The following ADAMTS2 variants were observed in gnomAD, a reference collection of about 807,000 sequenced individuals.
The protein encoded by ADAMTS2 is ADAM metallopeptidase with thrombospondin type 1 motif 2, also known as A disintegrin and metalloproteinase with thrombospondin motifs 2.
ADAMTS2 carries 50 observed loss-of-function variants against 123.0 expected under a neutral mutation model. The observed-to-expected ratio is 0.41, with a 90% CI of 0.32 to 0.51. The LOEUF is 0.51. Among genes scored for constraint, ADAMTS2 ranks in the 20% least tolerant of loss-of-function variants. ADAMTS2 has a pLI of 0.35. For synonymous variants in ADAMTS2, 678 were observed against 695.4 expected (o/e 0.98, Z 0.39); for missense variants, 1,494 against 1,705.2 (o/e 0.88, Z 2.18).
At chr5:179,183,836 G>T (rs947875652) in intron 4 of ADAMTS2, among the ~76,000 whole-genome samples, 12 of 152,322 alleles carry the variant, frequency 7.9e-5, no homozygotes, top group African/African-American at 2.9e-4. Context: ...GTAATTAGGG[G>T]TAGATGAGTT....
In ADAMTS2 at chr5:179,345,416, G is replaced by A. The variant is rs1378466791; in HGVS notation, c.-88C>T. The stretch of plus-strand genomic sequence containing the variant: ...CCCAGCCCACATCTGGGGGCAGCTG[G>A]AGCCGCCCGCAGCTGCAGCACCGCA... On this transcript the variant is annotated 5_prime_UTR_variant, in exon 1 of 22. Coordinates refer to ENST00000251582, the MANE Select transcript of ADAMTS2 (RefSeq NM_014244.5). The surrounding 1 kb of genome is among the most constrained non-coding windows in gnomAD (Gnocchi z 7.5). 3 of 1,043,282 alleles carry A rather than the reference G, an allele frequency of 2.9e-6. No individual in the cohort carries two copies. The highest frequency in any genetic ancestry group is 2.3e-6 in the Non-Finnish European group (2 of 863,582). The allele number at this position is 1,043,282 out of a possible 1,614,324, so 64.6% of individuals were successfully genotyped here.
chr5:179,213,131 C>CA (rs1764900062), intron 3 of ADAMTS2, among the ~76,000 whole-genome samples: 1 of 152,158 alleles, frequency 6.6e-6, no homozygotes, highest in Non-Finnish European at 1.5e-5. Context: ...CTGAGGACCA[C>CA]ACTGTTCAGT....
rs186237686 is a variant in ADAMTS2 at position 179,261,072 on chromosome 5, T to C, written c.688+11839A>G. Among the ~76,000 whole-genome samples, 1,187 of 151,990 alleles carry C rather than the reference T, an allele frequency of 7.8e-3. 14 individuals carry two copies. Among genetic ancestry groups the C allele is most frequent in the Non-Finnish European group, 8.6e-3 (587 of 67,990 alleles). On this transcript the variant is annotated intron_variant, in intron 3 of 21. Transcript: ENST00000251582. ...TTTGTGCAACTAACGCTAACAAAAC[T>C]GGAAAGGAAAGAGGAACTACGGCCT...
At chr5:179,258,613 G>A (rs572994051) in intron 3 of ADAMTS2, among the ~76,000 whole-genome samples, 1 of 152,210 alleles carries the variant, frequency 6.6e-6, no homozygotes, top group Admixed American at 6.5e-5. Flanking sequence ...CTCGCAGCTA[G>A]GAATCTGCAG....
At chr5:179,133,291 G>A (rs566985810) in intron 13 of ADAMTS2, among the ~76,000 whole-genome samples, 9 of 151,940 alleles carry the variant, frequency 5.9e-5, no homozygotes, top group Admixed American at 2.0e-4. Context: ...TTTTTGAGAC[G>A]GAATCTTGCT....
intron 2 of ADAMTS2, among the ~76,000 whole-genome samples, chr5:179,331,306 G>C (rs1342632245): frequency 7.2e-6 from 1 of 139,012 alleles, no homozygotes; most frequent in Non-Finnish European, 1.5e-5. Context: ...GGGAAAAAGG[G>C]GAGATGAGGG....
chr5:179,113,300 GGGT>G lies in ADAMTS2; in HGVS notation c.*564_*566del. 1 of 164,510 alleles carries G rather than the reference GGGT, an allele frequency of 6.1e-6. No individual in the cohort carries two copies. Among genetic ancestry groups the G allele is most frequent in the South Asian group, 1.6e-4 (1 of 6,376 alleles). 10.2% of individuals were successfully genotyped at this position (164,510 alleles called of 1,614,324 possible). A position where few individuals can be genotyped will look rare whatever the true frequency, so the allele number is the denominator to read the frequency against. On this transcript the variant is annotated 3_prime_UTR_variant, in exon 22 of 22. Coordinates refer to ENST00000251582, the MANE Select transcript of ADAMTS2 (RefSeq NM_014244.5). The stretch of plus-strand genomic sequence containing the variant: ...AGCCAGAACCAAGTCAGCTCCAGGT[GGGT>G]GTGGCTGTCAGGGCGGCCATGGTCC...
rs934512186 is a variant in ADAMTS2 at position 179,242,222 on chromosome 5, G to A, written c.688+30689C>T. ...AGAAGAGAGCCAAGTCCTAGGAGGA[G>A]GAGAGACGCTGAGCCTTGGCAGCCT... On this transcript the variant is annotated intron_variant, in intron 3 of 21. Coordinates refer to ENST00000251582, the MANE Select transcript of ADAMTS2 (RefSeq NM_014244.5). The surrounding 1 kb of genome is among the most constrained non-coding windows in gnomAD (Gnocchi z 4.2). 1.3e-5 allele frequency among the ~76,000 whole-genome samples: 2 copies of A among 152,228 alleles called. No homozygotes were observed. Among genetic ancestry groups the A allele is most frequent in the Non-Finnish European group, 2.9e-5 (2 of 68,050 alleles).
intron 2 of ADAMTS2, among the ~76,000 whole-genome samples, chr5:179,300,094 CAAA>C (rs59939578): frequency 9.8e-6 from 1 of 102,306 alleles, no homozygotes. Flanking sequence ...GACTCCGTCT[CAAA>C]AAAAAAAAAA....
At chr5:179,207,874 G>A (rs779045550) in intron 3 of ADAMTS2, among the ~76,000 whole-genome samples, 159 bp from the exon 4 acceptor site, 17 of 152,342 alleles carry the variant, frequency 1.1e-4, no homozygotes, top group Non-Finnish European at 2.5e-4. Context: ...AGAGGAAGAT[G>A]GCAGAGACTT....
At chr5:179,263,640 G>A (rs1434925569) in intron 3 of ADAMTS2, among the ~76,000 whole-genome samples, 1 of 152,206 alleles carries the variant, frequency 6.6e-6, no homozygotes, top group Non-Finnish European at 1.5e-5. Context: ...CACACCTCAC[G>A]GCAAGCCCCA....
chr5:179,129,068 T>C lies in ADAMTS2; in HGVS notation c.2457+864A>G, dbSNP rs1286992632. On this transcript the variant is annotated intron_variant, in intron 16 of 21. Coordinates refer to ENST00000251582, the MANE Select transcript of ADAMTS2 (RefSeq NM_014244.5). The surrounding 1 kb of genome is among the most constrained non-coding windows in gnomAD (Gnocchi z 4.1). ...CTCACACTTCACCACTCTGTGCGTG[T>C]CCGTTTGGGGCTCACGAATCAATTT... Among the ~76,000 whole-genome samples the C allele has an allele frequency of 1.3e-5, 2 of 152,166 alleles. No individual in the cohort carries two copies. The highest frequency in any genetic ancestry group is 4.8e-5 in the African/African-American group (2 of 41,448).
intron 3 of ADAMTS2, among the ~76,000 whole-genome samples, chr5:179,230,662 C>A (rs932838355): frequency 2.6e-5 from 4 of 152,130 alleles, no homozygotes; most frequent in African/African-American, 9.7e-5. Flanking sequence ...CACGCATGTA[C>A]CTAAAACATA....
chr5:179,158,807 G>A lies in ADAMTS2; in HGVS notation c.1048C>T (p.Gln350Ter). ...ENVCRWAYLQ[Q>*]KPDTGHDEYH... The stretch of plus-strand genomic sequence containing the variant: ...TCATCGTGGCCCGTGTCTGGCTTCT[G>A]CTGGAGGTAGGCCCAGCGGCAGACA... Residue 350 changes from glutamine (Q) to a stop codon, truncating the protein, a stop_gained, in exon 6 of 22, where the codon CAG becomes TAG. Coordinates refer to ENST00000251582, the MANE Select transcript of ADAMTS2 (RefSeq NM_014244.5). LOFTEE classifies it high-confidence loss of function. The surrounding 1 kb of genome is among the most constrained non-coding windows in gnomAD (Gnocchi z 5.0). The A allele has an allele frequency of 6.2e-7, 1 of 1,614,232 alleles. No homozygotes were observed. The highest frequency in any genetic ancestry group is 1.3e-5 in the African/African-American group (1 of 75,066).
chr5:179,187,523 G>A (rs906970252), intron 4 of ADAMTS2, among the ~76,000 whole-genome samples: 10 of 152,206 alleles, frequency 6.6e-5, no homozygotes, highest in African/African-American at 2.4e-4. Flanking sequence ...AACAGGAAAT[G>A]GGCAAAATGT....
chr5:179,132,140 G>GCCCCTGA lies in ADAMTS2; in HGVS notation c.2290+83_2290+89dup, dbSNP rs1581142914. 2.2e-5 allele frequency: 29 copies of GCCCCTGA among 1,316,490 alleles called. No individual in the cohort carries two copies. The highest frequency in any genetic ancestry group is 5.1e-4 in the Middle Eastern group (2 of 3,950). The allele number at this position is 1,316,490 out of a possible 1,614,324, so 81.6% of individuals were successfully genotyped here. A position where few individuals can be genotyped will look rare whatever the true frequency, so the allele number is the denominator to read the frequency against. ...CTCAGGTCATGGCTGCACAACCCGG[G>GCCCCTGA]CCCCTGACCCCTGACCCCTGGCACT... is the stretch of plus-strand genomic sequence containing the variant. On this transcript the variant is annotated intron_variant, in intron 15 of 21. Coordinates refer to ENST00000251582, the MANE Select transcript of ADAMTS2 (RefSeq NM_014244.5). This position sits in a 1 kb window ranked among gnomAD's most constrained non-coding sequence, Gnocchi z 6.1.
At chr5:179,138,053 G>C in intron 11 of ADAMTS2, 109 bp from the exon 12 acceptor site, 1 of 1,272,450 alleles carries the variant, frequency 7.9e-7, no homozygotes, top group Non-Finnish European at 1.1e-6. Context: ...CAGGTGTCCG[G>C]GGGGCAGCTC....
chr5:179,132,311 CT>C lies in ADAMTS2; in HGVS notation c.2210-2del, dbSNP rs1219329381. 4 of 1,613,906 alleles carry C rather than the reference CT, an allele frequency of 2.5e-6. No homozygotes were observed. Among genetic ancestry groups the C allele is most frequent in the Middle Eastern group, 1.6e-4 (1 of 6,062 alleles). ...GGGATCTCAAACATCTTGATGTAAC[CT>C]TTTTTTGATGTGGAAAGACACAGAA... is the stretch of plus-strand genomic sequence containing the variant. On this transcript the variant is annotated splice_acceptor_variant, in intron 14 of 21. Transcript: ENST00000251582. LOFTEE classifies it high-confidence loss of function. The surrounding 1 kb of genome is among the most constrained non-coding windows in gnomAD (Gnocchi z 6.1).
rs530129568 is a variant in ADAMTS2 at position 179,256,352 on chromosome 5, G to A, written c.688+16559C>T. ...CCTGCCATGGAGCTTTGGGCCTGAG[G>A]CCTCAGCTGAGGCCAAGGCAGCAGG... On this transcript the variant is annotated intron_variant, in intron 3 of 21. Coordinates refer to ENST00000251582, the MANE Select transcript of ADAMTS2 (RefSeq NM_014244.5). The surrounding 1 kb of genome is among the most constrained non-coding windows in gnomAD (Gnocchi z 4.1). Among the ~76,000 whole-genome samples, 3 of 152,262 alleles carry A rather than the reference G, an allele frequency of 2.0e-5. No individual in the cohort carries two copies. Among genetic ancestry groups the A allele is most frequent in the Admixed American group, 6.5e-5 (1 of 15,300 alleles).
Sources: gnomAD v4.1 joint callset for allele counts (sites outside exome capture counted in the v4.1 genomes callset) on GRCh38, gnomAD v4.1.1 for gene constraint, Gnocchi (gnomAD v3.1) non-coding constraint, MANE v1.5 for transcripts, NCBI Gene and HGNC (gene_info 2026-07-23, HGNC 2026-07-21) for gene names.